PTPRB: variants seen among roughly 807,000 people sequenced by gnomAD.
PTPRB encodes protein tyrosine phosphatase receptor type B, also known as receptor-type tyrosine-protein phosphatase beta.
A neutral mutation model predicts 238.1 loss-of-function variants in PTPRB; 97 were observed. That is an observed-to-expected ratio of 0.41 (90% confidence interval 0.35 to 0.48). The LOEUF (loss-of-function observed/expected upper bound fraction) is 0.48, where lower values mean the gene tolerates loss of function less well. Among genes scored for constraint, PTPRB ranks in the 20% least tolerant of loss-of-function variants. The probability of loss-of-function intolerance (pLI) is 0.30; values close to 1 mark genes in which losing one functional copy is unlikely to be tolerated. For missense variants in PTPRB, 2,292 were observed against 2,681.9 expected, an observed-to-expected ratio of 0.85 and a Z score of 3.21; for synonymous variants, 970 against 995.4, an observed-to-expected ratio of 0.97 and a Z score of 0.48.
At chr12:70,569,586 A>G (rs1879768416) in intron 14 of PTPRB, 89 bp downstream of exon 14, 1 of 1,494,256 alleles carries the variant, frequency 6.7e-7, no homozygotes, top group Non-Finnish European at 9.2e-7. Flanking sequence ...TTAAATCTGG[A>G]TTTGTGAATA....
intron 3 of PTPRB, among the ~76,000 whole-genome samples, chr12:70,610,092 C>G (rs747340889): frequency 3.3e-5 from 5 of 152,152 alleles, no homozygotes; most frequent in South Asian, 2.1e-4. Context: ...CGCCCCAGCC[C>G]CGTCCGCTGA....
rs773958892 is a variant in PTPRB, at chr12:70,532,091, T to C, written c.6448A>G (p.Ile2150Val). 3 of 1,613,984 alleles carry C rather than the reference T, an allele frequency of 1.9e-6. No homozygotes were observed. The highest frequency in any genetic ancestry group is 1.7e-6 in the Non-Finnish European group (2 of 1,179,872). ...CTTAGGTCGTGCACTGCTCCATAAA[T>C]GTCCACAGAGTCTTTGGAGTCTAAC... ...QQLDSKDSVD[I>V]YGAVHDLRLH... is the part of the protein sequence containing the mutation. Residue 2150 changes from isoleucine to valine, a missense_variant, in exon 32 of 34, where the codon ATT becomes GTT. By Grantham distance (29) the Ile-to-Val change is conservative. Around this residue, in one of 4 missense-constraint regions of PTPRB, gnomAD observed 397 missense variants for 502.0 expected, o/e 0.79. Transcript: ENST00000334414.
intron 14 of PTPRB, among the ~76,000 whole-genome samples, chr12:70,568,067 C>T (rs144744170): frequency 6.6e-6 from 1 of 152,212 alleles, no homozygotes; most frequent in East Asian, 1.9e-4. Flanking sequence ...TTTGTTTTCT[C>T]TGTTGGAACG....
At chr12:70,630,834 A>G (rs999670254) in intron 2 of PTPRB, among the ~76,000 whole-genome samples, 1 of 152,180 alleles carries the variant, frequency 6.6e-6, no homozygotes, top group African/African-American at 2.4e-5. Context: ...CACAATTGCT[A>G]CAAAGAGAAT....
intron 8 of PTPRB, among the ~76,000 whole-genome samples, chr12:70,589,342 T>A (rs961442977): frequency 6.6e-6 from 1 of 152,232 alleles, no homozygotes; most frequent in African/African-American, 2.4e-5. Flanking sequence ...ATATGGAGTA[T>A]TTCACATTAC....
rs753042261 is a variant in PTPRB at position 70,576,662 on chromosome 12, TGG to T, written c.2579-19_2579-18del. ...TGGAAGGGACTGTGATTTTGAAAGG[TGG>T]GGGGCGGGGGGGGGGGGGAAGGGGG... is the stretch of plus-strand genomic sequence containing the variant. On this transcript the variant is annotated intron_variant, in intron 10 of 33. Coordinates refer to ENST00000334414, the MANE Select transcript of PTPRB (RefSeq NM_001109754.4). 29 of 15,292 alleles carry T rather than the reference TGG, an allele frequency of 1.9e-3. 2 individuals are homozygous for T. The highest frequency in any genetic ancestry group is 2.7e-3 in the Admixed American group (1 of 376). The allele number at this position is 15,292 out of a possible 1,614,324, so 0.9% of individuals were successfully genotyped here. A position where few individuals can be genotyped will look rare whatever the true frequency, so the allele number is the denominator to read the frequency against.
chr12:70,606,951 CATA>C (rs771815197), intron 4 of PTPRB, among the ~76,000 whole-genome samples: 1 of 152,178 alleles, frequency 6.6e-6, no homozygotes, highest in African/African-American at 2.4e-5. Context: ...TCATGCAGCT[CATA>C]ATATTTGTAG....
chr12:70,631,452 G>A (rs568063632), intron 2 of PTPRB, among the ~76,000 whole-genome samples: 2 of 152,262 alleles, frequency 1.3e-5, no homozygotes, highest in Admixed American at 1.3e-4. Flanking sequence ...AGACTTAAAT[G>A]TTAGACCTAA....
intron 33 of PTPRB, among the ~76,000 whole-genome samples, chr12:70,522,803 G>T (rs1871796681): frequency 6.7e-6 from 1 of 149,238 alleles, no homozygotes; most frequent in Admixed American, 6.7e-5. Flanking sequence ...TTTACATCCT[G>T]CTTTTCTTTA....
At chr12:70,615,904 A>G (rs967699785) in intron 3 of PTPRB, among the ~76,000 whole-genome samples, 1 of 152,206 alleles carries the variant, frequency 6.6e-6, no homozygotes, top group Non-Finnish European at 1.5e-5. Context: ...TAGGCTGCAT[A>G]TATCCTGAAT....
chr12:70,536,118 C>T lies in PTPRB; in HGVS notation c.5988G>A (p.Pro1996=), dbSNP rs778214231. 77 of 1,613,676 alleles carry T rather than the reference C, an allele frequency of 4.8e-5. No homozygotes were observed. The highest frequency in any genetic ancestry group is 1.0e-4 in the Admixed American group (6 of 59,978). The part of the protein sequence containing the change: ...FRREYIVTQG[P]LPGTKDDFWK... ...AGAAGTCATCCTTGGTGCCAGGAAG[C>T]GGTCCCTGAGTGACAATGTATTCTC... The change falls in exon 29 of 34, where the codon CCG becomes CCA. Residue 1996 remains proline (P), a synonymous_variant. Coordinates refer to ENST00000334414, the MANE Select transcript of PTPRB (RefSeq NM_001109754.4).
At chr12:70,529,859 C>G (rs1872924151) in intron 32 of PTPRB, among the ~76,000 whole-genome samples, 1 of 152,146 alleles carries the variant, frequency 6.6e-6, no homozygotes, top group Admixed American at 6.6e-5. Context: ...CTTCTGATGT[C>G]ATGCAACAGA....
chr12:70,553,736 G>T (rs1877246697), intron 20 of PTPRB, among the ~76,000 whole-genome samples: 1 of 152,142 alleles, frequency 6.6e-6, no homozygotes, highest in Non-Finnish European at 1.5e-5. Context: ...GTGCAGTGAG[G>T]GTTTATCATA....
intron 3 of PTPRB, among the ~76,000 whole-genome samples, chr12:70,616,548 A>C (rs1466953052): frequency 1.3e-5 from 2 of 152,222 alleles, no homozygotes; most frequent in African/African-American, 4.8e-5. Flanking sequence ...CTACCTCAGT[A>C]AATCCTGATA....
intron 10 of PTPRB, among the ~76,000 whole-genome samples, chr12:70,577,606 CTT>C (rs1318523741): frequency 6.6e-6 from 1 of 152,114 alleles, no homozygotes; most frequent in Non-Finnish European, 1.5e-5. Flanking sequence ...AGTTGATTAA[CTT>C]AACAGTTTCA....
chr12:70,619,312 T>TAATGATGAC (rs1555239527), intron 3 of PTPRB, among the ~76,000 whole-genome samples: 103 of 150,118 alleles, frequency 6.9e-4, no homozygotes, highest in African/African-American at 2.0e-3. Flanking sequence ...ATGATGATGA[T>TAATGATGAC]GATAATGATA....
chr12:70,608,275 A>G (rs1884129239), intron 4 of PTPRB, among the ~76,000 whole-genome samples: 1 of 152,228 alleles, frequency 6.6e-6, no homozygotes, highest in Admixed American at 6.5e-5. Context: ...AAAATTGTTA[A>G]AGAATTTAGA....
At chr12:70,556,274 C>G in intron 18 of PTPRB, 126 bp from the exon 19 acceptor site, 1 of 861,612 alleles carries the variant, frequency 1.2e-6, no homozygotes, top group South Asian at 1.8e-5. Flanking sequence ...TACAGAGTGT[C>G]GTGGCTCACC....
chr12:70,555,393 T>C, intron 19 of PTPRB, 84 bp from the exon 20 acceptor site: 1 of 1,282,168 alleles, frequency 7.8e-7, no homozygotes, highest in East Asian at 2.5e-5. Context: ...AATGAAGGAT[T>C]CTGCTCTCCT....
Sources: allele counts gnomAD v4.1 joint callset (sites outside exome capture counted in the v4.1 genomes callset), GRCh38; gene constraint gnomAD v4.1.1; regional missense constraint gnomAD v4.1.1; transcripts MANE v1.5; gene names NCBI Gene and HGNC (gene_info 2026-07-23, HGNC 2026-07-21).